Variants in SSH2 observed in about 807,000 individuals in gnomAD.
SSH2 encodes the protein protein phosphatase Slingshot homolog 2.
SSH2 carries 37 observed loss-of-function variants against 135.2 expected under a neutral mutation model. The ratio of observed to expected loss-of-function variants is 0.27; its 90% confidence interval spans 0.21 to 0.36. The LOEUF is 0.36. SSH2 is among the 10% of genes least tolerant of loss of function. The probability of loss-of-function intolerance (pLI) is 1.00; values close to 1 mark genes in which losing one functional copy is unlikely to be tolerated. For missense variants in SSH2, 1,408 were observed against 1,765.3 expected (o/e 0.80, Z 3.63); for synonymous variants, 628 against 646.2 (o/e 0.97, Z 0.43).
intron 3 of SSH2, chr17:29,716,483 T>C: frequency 1.4e-6 from 1 of 700,676 alleles, no homozygotes; most frequent in Non-Finnish European, 2.6e-6. Flanking sequence ...AGCAGCATGC[T>C]GGTTAACATT....
At chr17:29,876,637 A>G (rs1308045942) in intron 1 of SSH2, among the ~76,000 whole-genome samples, 3 of 152,034 alleles carry the variant, frequency 2.0e-5, no homozygotes, top group Admixed American at 1.3e-4. Flanking sequence ...AGTCTCTTCA[A>G]AAAGTGTGCT....
chr17:29,762,999 A>G (rs1181607270), intron 3 of SSH2, among the ~76,000 whole-genome samples: 2 of 152,234 alleles, frequency 1.3e-5, no homozygotes, highest in Non-Finnish European at 2.9e-5. Context: ...TGCTATAATC[A>G]AGAAAATAAT....
chr17:29,680,011 AT>A (rs769903963), intron 6 of SSH2, among the ~76,000 whole-genome samples: 8 of 152,310 alleles, frequency 5.3e-5, no homozygotes, highest in Non-Finnish European at 1.0e-4. Flanking sequence ...TCTCATAGAT[AT>A]AGGTATAAAG....
chr17:29,921,387 T>G (rs560205128), intron 1 of SSH2, among the ~76,000 whole-genome samples: 1 of 152,174 alleles, frequency 6.6e-6, no homozygotes, highest in South Asian at 2.1e-4. Flanking sequence ...TTTTATACAA[T>G]GCTTGTAAAC....
At chr17:29,635,698 G>A (rs552445555) in intron 15 of SSH2, among the ~76,000 whole-genome samples, 27 of 152,224 alleles carry the variant, frequency 1.8e-4, no homozygotes, top group East Asian at 7.7e-4. Context: ...GTGAGCCACC[G>A]CGCCTGGTCA....
At chr17:29,894,532 G>A (rs1030659409) in intron 1 of SSH2, among the ~76,000 whole-genome samples, 3 of 152,070 alleles carry the variant, frequency 2.0e-5, no homozygotes, top group African/African-American at 4.8e-5. Flanking sequence ...TAAATACTAT[G>A]TAAATAGCTG....
At chr17:29,639,119 A>G (rs1243801172) in intron 14 of SSH2, among the ~76,000 whole-genome samples, 1 of 152,174 alleles carries the variant, frequency 6.6e-6, no homozygotes, top group South Asian at 2.1e-4. Context: ...ATCTCTGGGT[A>G]AAAATCATTA....
intron 3 of SSH2, among the ~76,000 whole-genome samples, chr17:29,711,715 A>G (rs569827609): frequency 6.6e-6 from 1 of 152,268 alleles, no homozygotes; most frequent in East Asian, 1.9e-4. Context: ...TGTGGCTTAC[A>G]TCTGGCAGTT....
At chr17:29,649,774 A>G (rs181910149) in intron 13 of SSH2, among the ~76,000 whole-genome samples, 16 of 152,332 alleles carry the variant, frequency 1.1e-4, no homozygotes, top group Admixed American at 9.2e-4. Flanking sequence ...TATTACTGGG[A>G]ATAATTTATT....
intron 2 of SSH2, among the ~76,000 whole-genome samples, chr17:29,800,866 T>C (rs1222963704): frequency 6.7e-6 from 1 of 149,914 alleles, no homozygotes; most frequent in South Asian, 2.1e-4. Context: ...TTTTTTCTTT[T>C]TTTTTTTCTT....
chr17:29,681,191 T>C (rs895610547), intron 6 of SSH2, among the ~76,000 whole-genome samples: 4 of 151,308 alleles, frequency 2.6e-5, no homozygotes, highest in African/African-American at 9.7e-5. Flanking sequence ...AAAAATTAGC[T>C]GGGCATGGTG....
In SSH2 at chr17:29,662,023, T is replaced by A. The variant is rs201913930; in HGVS notation, c.1032+4844A>T. The stretch of plus-strand genomic sequence containing the variant: ...TTCCGGGGCTCTTTGCAGACCCAAT[T>A]TCCCCCCCGCCCATGCTTCATAGGC... On this transcript the variant is annotated intron_variant, in intron 11 of 15. Transcript: ENST00000540801. Among the ~76,000 whole-genome samples, 16 of 152,298 alleles carry A rather than the reference T, an allele frequency of 1.1e-4. 1 individual carries two copies. Among genetic ancestry groups the A allele is most frequent in the Admixed American group, 5.9e-4 (9 of 15,294 alleles).
At chr17:29,875,239 C>G (rs964870848) in intron 1 of SSH2, among the ~76,000 whole-genome samples, 1 of 152,156 alleles carries the variant, frequency 6.6e-6, no homozygotes, top group African/African-American at 2.4e-5. Context: ...TAAGCCTGCC[C>G]AGGACTAGTA....
chr17:29,929,100 G>A (rs1251923940), intron 1 of SSH2: 1 of 152,152 alleles, frequency 6.6e-6, no homozygotes, highest in Non-Finnish European at 1.5e-5. Context: ...GTGGGGCGAG[G>A]AGAGAAGGCA....
chr17:29,781,720 C>T (rs867873739), intron 3 of SSH2, among the ~76,000 whole-genome samples: 28 of 151,216 alleles, frequency 1.9e-4, no homozygotes, highest in Admixed American at 5.3e-4. Flanking sequence ...CCTCGTGATC[C>T]GCCTGCCTCA....
chr17:29,725,604 T>C (rs569302137), intron 3 of SSH2, among the ~76,000 whole-genome samples: 2 of 152,294 alleles, frequency 1.3e-5, no homozygotes, highest in African/African-American at 2.4e-5. Context: ...TGCAGGGACA[T>C]GGATGAAGCT....
intron 1 of SSH2, among the ~76,000 whole-genome samples, chr17:29,917,056 TTTTC>T (rs1054387454): frequency 1.3e-5 from 2 of 151,988 alleles, no homozygotes; most frequent in African/African-American, 4.8e-5. Context: ...GTTTTTCCCT[TTTTC>T]TTTAAGTGAG....
At chr17:29,913,362 A>AAAAT (rs2066819232) in intron 1 of SSH2, among the ~76,000 whole-genome samples, 1 of 91,408 alleles carries the variant, frequency 1.1e-5, no homozygotes, top group Non-Finnish European at 2.2e-5. Context: ...ATATATATAT[A>AAAAT]TATATATATA....
chr17:29,881,997 T>C (rs1465222524), intron 1 of SSH2, among the ~76,000 whole-genome samples: 3 of 152,210 alleles, frequency 2.0e-5, no homozygotes, highest in African/African-American at 7.2e-5. Context: ...CATTATTTGC[T>C]TCTTAAGATG....
Sources: gnomAD v4.1 joint callset for allele counts (sites outside exome capture counted in the v4.1 genomes callset) on GRCh38, gnomAD v4.1.1 for gene constraint, MANE v1.5 for transcripts, NCBI Gene and HGNC (gene_info 2026-07-23, HGNC 2026-07-21) for gene names.